Variants in CFAP77 observed in about 807,000 individuals in gnomAD.
The protein encoded by CFAP77 is cilia and flagella associated protein 77.
In CFAP77, 25 loss-of-function variants were observed where a neutral mutation model predicts 31.1. That is an observed-to-expected ratio of 0.80 (90% CI 0.59 to 1.12). CFAP77 has a LOEUF of 1.12. Ranked by LOEUF, CFAP77 falls within the 50% of genes most tolerant of loss-of-function variation. The probability of loss-of-function intolerance (pLI) is 0.00; values close to 1 mark genes in which losing one functional copy is unlikely to be tolerated. For synonymous variants in CFAP77, 151 were observed against 159.9 expected (o/e 0.94, Z 0.42); for missense variants, 377 against 397.3 (o/e 0.95, Z 0.44).
At chr9:132,426,042 C>T (rs1275181817) in intron 1 of CFAP77, among the ~76,000 whole-genome samples, 1 of 152,196 alleles carries the variant, frequency 6.6e-6, no homozygotes, top group African/African-American at 2.4e-5. Context: ...ACAAGCCGGC[C>T]AGTCATTCTG....
intron 1 of CFAP77, among the ~76,000 whole-genome samples, chr9:132,431,410 T>G (rs1206492747): frequency 6.6e-6 from 1 of 152,208 alleles, no homozygotes; most frequent in East Asian, 1.9e-4. Context: ...CACTCTCAAG[T>G]GAAAACATAT....
intron 3 of CFAP77, among the ~76,000 whole-genome samples, chr9:132,531,034 G>C (rs1243090873): frequency 6.6e-6 from 1 of 152,144 alleles, no homozygotes; most frequent in Admixed American, 6.5e-5. Flanking sequence ...AGCACCATTT[G>C]TTGAAAAGAC....
chr9:132,542,730 A>AC (rs891977480), intron 4 of CFAP77, among the ~76,000 whole-genome samples: 44 of 133,896 alleles, frequency 3.3e-4, no homozygotes, highest in Non-Finnish European at 5.2e-4. Flanking sequence ...CTGGGGTCCC[A>AC]CCCCCCCTCC....
rs199499678 is a variant in CFAP77, at chr9:132,486,054, ATGTG to A, written c.196-12631_196-12628del. On this transcript the variant is annotated intron_variant, in intron 1 of 5. Transcript: ENST00000393216. ...TATATATATATATGTATGTATATGT[ATGTG>A]TGTGTGTGTATATATATATATATAT... 9.0e-3 allele frequency among the ~76,000 whole-genome samples: 247 copies of A among 27,536 alleles called. 68 individuals carry two copies. Among genetic ancestry groups the A allele is most frequent in the African/African-American group, 0.069 (185 of 2,700 alleles). 18.1% of individuals were successfully genotyped at this position (27,536 alleles called of 152,430 possible).
chr9:132,496,558 G>C (rs772362958), intron 1 of CFAP77, among the ~76,000 whole-genome samples: 16 of 152,210 alleles, frequency 1.1e-4, no homozygotes, highest in Non-Finnish European at 2.1e-4. Flanking sequence ...GGATTTGCCT[G>C]TTCTGGACAT....
Position 132,495,865 on chromosome 9 carries a change from G to A in CFAP77, c.196-2830G>A, listed in dbSNP as rs1268131166. ...CTGCCACGTGAAGATACAACAAGAA[G>A]GCGGCCATCTGCAAACCAAGAAGAG... On this transcript the variant is annotated intron_variant, in intron 1 of 5. Coordinates refer to ENST00000393216, the MANE Select transcript of CFAP77 (RefSeq NM_001282957.2). The surrounding 1 kb of genome is among the most constrained non-coding windows in gnomAD (Gnocchi z 4.2). 6.6e-6 allele frequency among the ~76,000 whole-genome samples: 1 copy of A among 152,182 alleles called. No individual in the cohort carries two copies. The highest frequency in any genetic ancestry group is 1.5e-5 in the Non-Finnish European group (1 of 68,038).
rs1405437005 is a variant in CFAP77 at position 132,517,122 on chromosome 9, CGGGTGTCGATTTCGTATCGTGGAGAGAAG to C, written c.524+17523_524+17551del. Reference sequence around the variant, plus strand: ...CCACTTCTGGGTGTCCCTCATGGATCGGGTGTCGATTTCGTATCGTGGAGAGAAGCCCAGCCCTCCAGCCTTCTCCCTCC... The same window carrying C: ...CCACTTCTGGGTGTCCCTCATGGATCCCCAGCCCTCCAGCCTTCTCCCTCC... On this transcript the variant is annotated intron_variant, in intron 3 of 5. Coordinates refer to ENST00000393216, the MANE Select transcript of CFAP77 (RefSeq NM_001282957.2). This position sits in a 1 kb window ranked among gnomAD's most constrained non-coding sequence, Gnocchi z 4.7. Among the ~76,000 whole-genome samples, 1 of 152,084 alleles carries C rather than the reference CGGGTGTCGATTTCGTATCGTGGAGAGAAG, an allele frequency of 6.6e-6. No individual in the cohort carries two copies. The highest frequency in any genetic ancestry group is 1.5e-5 in the Non-Finnish European group (1 of 68,024).
intron 1 of CFAP77, among the ~76,000 whole-genome samples, chr9:132,464,585 A>C (rs1164277236): frequency 2.0e-5 from 3 of 152,250 alleles, no homozygotes; most frequent in African/African-American, 7.2e-5. Flanking sequence ...AAATACTATC[A>C]GTGCAATGTG....
chr9:132,448,181 A>G (rs1238415311), intron 1 of CFAP77, among the ~76,000 whole-genome samples: 2 of 151,816 alleles, frequency 1.3e-5, no homozygotes, highest in Non-Finnish European at 2.9e-5. Flanking sequence ...ACACATGCAC[A>G]CACACACACG....
At chr9:132,513,493 C>A in intron 3 of CFAP77, 1 of 1,027,598 alleles carries the variant, frequency 9.7e-7, no homozygotes. Flanking sequence ...CGCATGCTTT[C>A]CACCCAGCGT....
chr9:132,496,018 C>G (rs1281276163), intron 1 of CFAP77, among the ~76,000 whole-genome samples: 1 of 152,178 alleles, frequency 6.6e-6, no homozygotes, highest in African/African-American at 2.4e-5. Context: ...GCAGCCTAAG[C>G]TGACTAAGAC....
At chr9:132,519,803 A>T (rs1020890340) in intron 3 of CFAP77, among the ~76,000 whole-genome samples, 1 of 38,026 alleles carries the variant, frequency 2.6e-5, no homozygotes, top group Non-Finnish European at 5.1e-5. Context: ...TGGATGGATG[A>T]ATGGGTGGGT....
intron 1 of CFAP77, among the ~76,000 whole-genome samples, chr9:132,411,210 G>T (rs1435681362): frequency 6.6e-6 from 1 of 152,220 alleles, no homozygotes; most frequent in Non-Finnish European, 1.5e-5. Context: ...TTGGGGGTCA[G>T]GGAGCAAGCC....
chr9:132,481,714 C>A lies in CFAP77; in HGVS notation c.196-16981C>A, dbSNP rs1001132048. Reference sequence around the variant, plus strand: ...AATGAAGAGCCGCCGCTTCCTCTCCCAGCCGACCCCAGCCTTATTAACAGG... The same window carrying A: ...AATGAAGAGCCGCCGCTTCCTCTCCAAGCCGACCCCAGCCTTATTAACAGG... On this transcript the variant is annotated intron_variant, in intron 1 of 5. Transcript: ENST00000393216. This position sits in a 1 kb window ranked among gnomAD's most constrained non-coding sequence, Gnocchi z 5.0. Among the ~76,000 whole-genome samples, 1 of 152,234 alleles carries A rather than the reference C, an allele frequency of 6.6e-6. No homozygotes were observed. The highest frequency in any genetic ancestry group is 1.5e-5 in the Non-Finnish European group (1 of 68,036).
At chr9:132,420,348 C>T (rs1261448414) in intron 1 of CFAP77, among the ~76,000 whole-genome samples, 5 of 151,838 alleles carry the variant, frequency 3.3e-5, no homozygotes, top group African/African-American at 1.2e-4. Flanking sequence ...AGCAAAGGCA[C>T]ATCACCTGGA....
intron 5 of CFAP77, among the ~76,000 whole-genome samples, chr9:132,561,604 TACACACACACACACACAC>T (rs61039438): frequency 4.4e-4 from 49 of 111,578 alleles, no homozygotes; most frequent in Admixed American, 6.5e-4. Flanking sequence ...GAGGTGCATG[TACACACACACACACACAC>T]ACACACACAC....
intron 1 of CFAP77, chr9:132,482,167 T>G: frequency 1.7e-6 from 1 of 591,858 alleles, no homozygotes; most frequent in South Asian, 2.3e-5. Flanking sequence ...TGCTTTTTCC[T>G]TTTCTCTCTT....
chr9:132,485,998 A>ATGTATGTGTG lies in CFAP77; in HGVS notation c.196-12696_196-12695insGTATGTGTGT, dbSNP rs1564222861. Among the ~76,000 whole-genome samples the ATGTATGTGTG allele has an allele frequency of 8.9e-4, 6 of 6,776 alleles. 3 individuals are homozygous for ATGTATGTGTG. Among genetic ancestry groups the ATGTATGTGTG allele is most frequent in the African/African-American group, 7.6e-3 (6 of 794 alleles). 4.4% of individuals were successfully genotyped at this position (6,776 alleles called of 152,430 possible). A position where few individuals can be genotyped will look rare whatever the true frequency, so the allele number is the denominator to read the frequency against. ...GAACACACACCTCATATATATATAT[A>ATGTATGTGTG]TATATATATATATATATATATATAT... On this transcript the variant is annotated intron_variant, in intron 1 of 5. Coordinates refer to ENST00000393216, the MANE Select transcript of CFAP77 (RefSeq NM_001282957.2).
rs143827548 is a variant in CFAP77, at chr9:132,425,968, C to T, written c.195+15502C>T. Among the ~76,000 whole-genome samples the T allele has an allele frequency of 2.0e-3, 311 of 152,258 alleles. 3 individuals are homozygous for T. The highest frequency in any genetic ancestry group is 6.6e-3 in the African/African-American group (276 of 41,560). On this transcript the variant is annotated intron_variant, in intron 1 of 5. Coordinates refer to ENST00000393216, the MANE Select transcript of CFAP77 (RefSeq NM_001282957.2). The stretch of plus-strand genomic sequence containing the variant: ...TGTCATGTTTTGGCTAATTGGAAAC[C>T]GGGTCATTATACCATTGAAAATCTA...
Sources: gnomAD v4.1 joint callset for allele counts (sites outside exome capture counted in the v4.1 genomes callset) on GRCh38, gnomAD v4.1.1 for gene constraint, Gnocchi (gnomAD v3.1) non-coding constraint, MANE v1.5 for transcripts, NCBI Gene and HGNC (gene_info 2026-07-23, HGNC 2026-07-21) for gene names.